Variants in SLC2A1 observed in about 807,000 individuals in gnomAD.
SLC2A1 encodes the protein solute carrier family 2, facilitated glucose transporter member 1.
Under a neutral mutation model 46.6 loss-of-function variants are expected in SLC2A1, and 4 were observed. The observed-to-expected ratio is 0.09, with a 90% CI of 0.04 to 0.20. SLC2A1 has a LOEUF of 0.20. Ranked by LOEUF, SLC2A1 falls within the 10% of genes least tolerant of loss-of-function variation. SLC2A1 has a pLI of 1.00. For missense variants in SLC2A1, 352 were observed against 667.0 expected (o/e 0.53, Z 5.20); for synonymous variants, 253 against 270.0 (o/e 0.94, Z 0.62).
At chr1:42,950,802 G>A (rs1238056285) in intron 1 of SLC2A1, among the ~76,000 whole-genome samples, 10 of 152,134 alleles carry the variant, frequency 6.6e-5, no homozygotes, top group Admixed American at 3.3e-4. Flanking sequence ...GTGAAACCCC[G>A]TCTCTACTAA....
At chr1:42,948,132 C>T (rs747482566) in intron 1 of SLC2A1, among the ~76,000 whole-genome samples, 10 of 152,140 alleles carry the variant, frequency 6.6e-5, no homozygotes, top group East Asian at 5.8e-4. Context: ...CCTATCCCAC[C>T]GCTGGGGGTC....
intron 2 of SLC2A1, among the ~76,000 whole-genome samples, chr1:42,939,993 G>A (rs868613837): frequency 2.7e-5 from 4 of 147,562 alleles, no homozygotes; most frequent in Middle Eastern, 3.6e-3. Context: ...GTCCCTCCTG[G>A]CCAAAGGCAG....
Position 42,949,378 on chromosome 1 carries a change from A to C in SLC2A1, c.19-6057T>G, listed in dbSNP as rs141969941. Among the ~76,000 whole-genome samples the C allele has an allele frequency of 2.4e-3, 370 of 152,358 alleles. 1 individual carries two copies. The highest frequency in any genetic ancestry group is 8.3e-3 in the African/African-American group (347 of 41,572). Reference sequence around the variant, plus strand: ...AGGGCAGGTGCCCAGCCTAGCATACAAACAAAAGCCAGGGTTGGGACTAGA... The same window carrying C: ...AGGGCAGGTGCCCAGCCTAGCATACCAACAAAAGCCAGGGTTGGGACTAGA... On this transcript the variant is annotated intron_variant, in intron 1 of 9. Transcript: ENST00000426263.
intron 1 of SLC2A1, among the ~76,000 whole-genome samples, chr1:42,945,671 T>C (rs182060397): frequency 1.5e-4 from 22 of 148,094 alleles, no homozygotes; most frequent in African/African-American, 5.5e-4. Context: ...TCACTTTATC[T>C]GGGAGATGAA....
rs750181943 is a variant in SLC2A1 at position 42,930,056 on chromosome 1, G to A, written c.517-21C>T. 6 of 1,613,066 alleles carry A rather than the reference G, an allele frequency of 3.7e-6. No individual in the cohort carries two copies. In the East Asian group the frequency reaches 8.9e-5, roughly 24 times the overall value. ...AACACCTGGGGGAAGCAGGGGCCGT[G>A]AGCGCCTCTGCCCTGACCCCCTTTC... On this transcript the variant is annotated intron_variant, in intron 4 of 9. Transcript: ENST00000426263. This position sits in a 1 kb window ranked among gnomAD's most constrained non-coding sequence, Gnocchi z 6.2.
intron 1 of SLC2A1, among the ~76,000 whole-genome samples, chr1:42,957,681 C>A (rs949224195): frequency 2.0e-5 from 3 of 152,184 alleles, no homozygotes. Context: ...GAAAAGAAAT[C>A]GCTCTGCGGA....
intron 1 of SLC2A1, among the ~76,000 whole-genome samples, 196 bp from the exon 2 acceptor site, chr1:42,943,517 C>T (rs1643619520): frequency 1.3e-5 from 2 of 152,130 alleles, no homozygotes; most frequent in Admixed American, 6.5e-5. Context: ...AGATACTGGG[C>T]TGGCCGGGCC....
At chr1:42,947,808 G>A (rs1271840311) in intron 1 of SLC2A1, among the ~76,000 whole-genome samples, 1 of 152,148 alleles carries the variant, frequency 6.6e-6, no homozygotes, top group Non-Finnish European at 1.5e-5. Flanking sequence ...AAAGAAACCT[G>A]CCACTTTTCA....
In SLC2A1 at chr1:42,930,531, G is replaced by T. The variant is rs754909079; in HGVS notation, c.516+95C>A. Reference sequence around the variant, plus strand: ...CTCTGCAAGGCTGTGGGGGCTGGGCGGAAGAGAAACTCTGCCCTGCTGGGC... The same window carrying T: ...CTCTGCAAGGCTGTGGGGGCTGGGCTGAAGAGAAACTCTGCCCTGCTGGGC... On this transcript the variant is annotated intron_variant, in intron 4 of 9. Coordinates refer to ENST00000426263, the MANE Select transcript of SLC2A1 (RefSeq NM_006516.4). The surrounding 1 kb of genome is among the most constrained non-coding windows in gnomAD (Gnocchi z 6.2). The T allele has an allele frequency of 4.6e-6, 7 of 1,537,492 alleles. No homozygotes were observed. In the South Asian group the frequency reaches 4.7e-5, roughly 10 times the overall value.
rs368242382 is a variant in SLC2A1 at position 42,929,638 on chromosome 1, G to A, written c.822C>T (p.Ile274=). The change falls in exon 6 of 10, where the codon ATC becomes ATT. Residue 274 remains isoleucine, a synonymous_variant. Coordinates refer to ENST00000426263, the MANE Select transcript of SLC2A1 (RefSeq NM_006516.4). The surrounding 1 kb of genome is among the most constrained non-coding windows in gnomAD (Gnocchi z 6.0). ...RSPAYRQPIL[I]AVVLQLSQQL... ...GCTGGGACAGCTGCAGCACCACAGC[G>A]ATGAGGATGGGCTGGCGGTAGGCGG... 1.7e-5 allele frequency: 28 copies of A among 1,613,732 alleles called. No homozygotes were observed. Among genetic ancestry groups the A allele is most frequent in the African/African-American group, 1.5e-4 (11 of 74,954 alleles).
At chr1:42,939,028 T>C (rs1291598662) in intron 2 of SLC2A1, among the ~76,000 whole-genome samples, 1 of 152,258 alleles carries the variant, frequency 6.6e-6, no homozygotes, top group Non-Finnish European at 1.5e-5. Flanking sequence ...TTCACAGCTA[T>C]ACTTCTCTCT....
At position 42,927,004 on chromosome 1, in the gene SLC2A1, C is replaced by T. The variant is rs368987954; in HGVS notation, c.*37G>A. ...CTGTGCTCCTGAGAGATCCTTAGGG[C>T]TGCTGGGAGCAGGCCGGGCTGGTGA... On this transcript the variant is annotated 3_prime_UTR_variant, in exon 10 of 10. Coordinates refer to ENST00000426263, the MANE Select transcript of SLC2A1 (RefSeq NM_006516.4). This position sits in a 1 kb window ranked among gnomAD's most constrained non-coding sequence, Gnocchi z 5.3. 6.2e-7 allele frequency: 1 copy of T among 1,607,688 alleles called. No homozygotes were observed. Among genetic ancestry groups the T allele is most frequent in the African/African-American group, 1.3e-5 (1 of 74,886 alleles).
At chr1:42,950,311 C>T (rs80179608) in intron 1 of SLC2A1, among the ~76,000 whole-genome samples, 1 of 152,230 alleles carries the variant, frequency 6.6e-6, no homozygotes, top group African/African-American at 2.4e-5. Context: ...ACAATATTTA[C>T]GCTCTATCTG....
At chr1:42,956,539 C>T (rs1643778289) in intron 1 of SLC2A1, among the ~76,000 whole-genome samples, 2 of 151,756 alleles carry the variant, frequency 1.3e-5, no homozygotes, top group East Asian at 1.9e-4. Flanking sequence ...GAGTTGAGAT[C>T]GCGCCATTGC....
At chr1:42,944,033 C>T (rs1643625596) in intron 1 of SLC2A1, among the ~76,000 whole-genome samples, 1 of 152,212 alleles carries the variant, frequency 6.6e-6, no homozygotes, top group Non-Finnish European at 1.5e-5. Flanking sequence ...GACTCCTTAC[C>T]CAGTGCTCCT....
intron 2 of SLC2A1, chr1:42,942,944 A>T (rs1338519233): frequency 9.9e-6 from 5 of 507,032 alleles, no homozygotes; most frequent in Admixed American, 6.4e-5. Flanking sequence ...ATCATCAAAC[A>T]TATTATTAAA....
intron 1 of SLC2A1, among the ~76,000 whole-genome samples, chr1:42,956,009 C>G (rs1643768587): frequency 6.6e-6 from 1 of 152,142 alleles, no homozygotes; most frequent in South Asian, 2.1e-4. Context: ...GTTTTCAGAT[C>G]TTGTGTGAAA....
At chr1:42,956,200 A>AT (rs1643770902) in intron 1 of SLC2A1, among the ~76,000 whole-genome samples, 1 of 152,154 alleles carries the variant, frequency 6.6e-6, no homozygotes, top group Admixed American at 6.5e-5. Context: ...GTCTTTTGAA[A>AT]TTTCTATTTT....
Position 42,958,746 on chromosome 1 carries a change from CG to C in SLC2A1, c.-96del. ...TCCCGCTCAGGCTCGTGCTCCGGTCCGGGGACTCCCACTGCGACTCTGACTC... is the reference window on the plus strand; with the variant it reads ...TCCCGCTCAGGCTCGTGCTCCGGTCCGGGACTCCCACTGCGACTCTGACTC... On this transcript the variant is annotated 5_prime_UTR_variant, in exon 1 of 10. Transcript: ENST00000426263. 3 of 1,318,672 alleles carry C rather than the reference CG, an allele frequency of 2.3e-6. No homozygotes were observed. The highest frequency in any genetic ancestry group is 2.1e-6 in the Non-Finnish European group (2 of 958,548). 81.7% of individuals were successfully genotyped at this position (1,318,672 alleles called of 1,614,324 possible).
Sources: allele counts gnomAD v4.1 joint callset (sites outside exome capture counted in the v4.1 genomes callset), GRCh38; gene constraint gnomAD v4.1.1; non-coding constraint Gnocchi (gnomAD v3.1); transcripts MANE v1.5; gene names NCBI Gene and HGNC (gene_info 2026-07-23, HGNC 2026-07-21).